Variants in STAT1 observed in about 807,000 individuals in gnomAD.
The protein encoded by STAT1 is signal transducer and activator of transcription 1-alpha/beta.
Under a neutral mutation model 111.7 loss-of-function variants are expected in STAT1, and 24 were observed. The ratio of observed to expected loss-of-function variants is 0.21; its 90% CI spans 0.16 to 0.30. The LOEUF is 0.30. STAT1 is among the 10% of genes least tolerant of loss of function. The probability of loss-of-function intolerance (pLI) is 1.00; values close to 1 mark genes in which losing one functional copy is unlikely to be tolerated. For missense variants in STAT1, 351 were observed against 911.9 expected, an observed-to-expected ratio of 0.38 and a Z score of 7.92; for synonymous variants, 332 against 326.5, an observed-to-expected ratio of 1.02 and a Z score of -0.18.
rs543595389 is a variant in STAT1 at position 190,986,466 on chromosome 2, G to A, written c.1221+388C>T. Among the ~76,000 whole-genome samples the A allele has an allele frequency of 1.3e-5, 2 of 152,304 alleles. No individual in the cohort carries two copies. Among genetic ancestry groups the A allele is most frequent in the African/African-American group, 4.8e-5 (2 of 41,554 alleles). On this transcript the variant is annotated intron_variant, in intron 14 of 24. Transcript: ENST00000361099. The surrounding 1 kb of genome is among the most constrained non-coding windows in gnomAD (Gnocchi z 5.0). ...GCAGGGCCACCAGGAAGGGGAACACGGGGGCTGAGGAGTGAACCCTGGTGT... is the reference window on the plus strand; with the variant it reads ...GCAGGGCCACCAGGAAGGGGAACACAGGGGCTGAGGAGTGAACCCTGGTGT...
intron 4 of STAT1, among the ~76,000 whole-genome samples, chr2:191,008,263 C>T (rs535435264): frequency 2.0e-5 from 3 of 152,266 alleles, no homozygotes; most frequent in Admixed American, 1.3e-4. Context: ...TTCCAATTAC[C>T]TAAGCTGAAA....
rs1281470845 is a variant in STAT1 at position 190,984,148 on chromosome 2, T to C, written c.1347+162A>G. On this transcript the variant is annotated intron_variant, in intron 16 of 24. Transcript: ENST00000361099. This position sits in a 1 kb window ranked among gnomAD's most constrained non-coding sequence, Gnocchi z 5.2. ...TGAAGGTTAATTCAATTGTCTAGCT[T>C]TCTGGACCATAAATTAAGGTTAAGA... Among the ~76,000 whole-genome samples, 1 of 152,230 alleles carries C rather than the reference T, an allele frequency of 6.6e-6. No homozygotes were observed. Among genetic ancestry groups the C allele is most frequent in the Non-Finnish European group, 1.5e-5 (1 of 68,040 alleles).
In STAT1 at chr2:191,007,761, A is replaced by G. The variant is rs1441226590; in HGVS notation, c.274-100T>C. Reference sequence around the variant, plus strand: ...TGAATTTGTTTATATTCTCCGGGAAACCTCATCTCTCATCTATTAAATTCT... The same window carrying G: ...TGAATTTGTTTATATTCTCCGGGAAGCCTCATCTCTCATCTATTAAATTCT... On this transcript the variant is annotated intron_variant, in intron 4 of 24. Transcript: ENST00000361099. The surrounding 1 kb of genome is among the most constrained non-coding windows in gnomAD (Gnocchi z 4.2). The G allele has an allele frequency of 1.2e-6, 1 of 858,776 alleles. No individual in the cohort carries two copies. Among genetic ancestry groups the G allele is most frequent in the African/African-American group, 1.7e-5 (1 of 59,742 alleles). The allele number at this position is 858,776 out of a possible 1,614,324, so 53.2% of individuals were successfully genotyped here.
chr2:190,988,989 G>T (rs1378441370), intron 12 of STAT1, among the ~76,000 whole-genome samples: 3 of 152,082 alleles, frequency 2.0e-5, no homozygotes, highest in Admixed American at 1.3e-4. Context: ...GGGCAAAATA[G>T]GATGAGGCTG....
chr2:190,974,838 C>G lies in STAT1; in HGVS notation c.2230G>C (p.Asp744His). The change falls in exon 24 of 25, where the codon GAC (aspartate) becomes CAC (histidine). Residue 744 changes from aspartate to histidine, a missense_variant. This residue lies in a region of STAT1 where 181 missense variants were observed against 426.1 expected (regional missense o/e 0.42). Transcript: ENST00000361099. The surrounding 1 kb of genome is among the most constrained non-coding windows in gnomAD (Gnocchi z 4.8). ...VSRIVGSVEF[D>H]SMMNTV ...CCAGCCGTGGTACTCACCATACTGT[C>G]GAATTCTACAGAGCCCACTATCCGA... 6.2e-7 allele frequency: 1 copy of G among 1,613,940 alleles called. No homozygotes were observed. The highest frequency in any genetic ancestry group is 1.7e-5 in the Admixed American group (1 of 60,026).
Position 190,982,243 on chromosome 2 carries a change from T to C in STAT1, c.1582+140A>G. 2.1e-6 allele frequency: 2 copies of C among 954,228 alleles called. No homozygotes were observed. The highest frequency in any genetic ancestry group is 3.3e-6 in the Non-Finnish European group (2 of 605,254). The allele number at this position is 954,228 out of a possible 1,614,324, so 59.1% of individuals were successfully genotyped here. On this transcript the variant is annotated intron_variant, in intron 18 of 24. Coordinates refer to ENST00000361099, the MANE Select transcript of STAT1 (RefSeq NM_007315.4). The surrounding 1 kb of genome is among the most constrained non-coding windows in gnomAD (Gnocchi z 7.3). ...GTGACATATGATTCTCACTTAGCTA[T>C]AATAAACTATAGCTTGAAAAGCTGA... is the stretch of plus-strand genomic sequence containing the variant.
At position 191,013,654 on chromosome 2, in the gene STAT1, G is replaced by T. The variant is rs1695310732; in HGVS notation, c.-131C>A. The T allele has an allele frequency of 2.5e-6, 1 of 398,660 alleles. No homozygotes were observed. The allele number at this position is 398,660 out of a possible 1,614,324, so 24.7% of individuals were successfully genotyped here. A position where few individuals can be genotyped will look rare whatever the true frequency, so the allele number is the denominator to read the frequency against. On this transcript the variant is annotated 5_prime_UTR_variant, in exon 2 of 25. Coordinates refer to ENST00000361099, the MANE Select transcript of STAT1 (RefSeq NM_007315.4). ...AACGTTAACCTAGACAGCTCTCGAG[G>T]ATGGCATACAGCAAATGAAACTTTC...
chr2:191,002,948 T>C (rs1694389359), intron 5 of STAT1, among the ~76,000 whole-genome samples: 1 of 152,234 alleles, frequency 6.6e-6, no homozygotes, highest in Non-Finnish European at 1.5e-5. Context: ...CATTAATAGG[T>C]TGCCCAGTCA....
At position 190,970,848 on chromosome 2, in the gene STAT1, T is replaced by G; in HGVS notation, c.2239-131A>C. 1 of 881,182 alleles carries G rather than the reference T, an allele frequency of 1.1e-6. No homozygotes were observed. The highest frequency in any genetic ancestry group is 1.8e-6 in the Non-Finnish European group (1 of 540,766). 54.6% of individuals were successfully genotyped at this position (881,182 alleles called of 1,614,324 possible). On this transcript the variant is annotated intron_variant, in intron 24 of 24. Coordinates refer to ENST00000361099, the MANE Select transcript of STAT1 (RefSeq NM_007315.4). This position sits in a 1 kb window ranked among gnomAD's most constrained non-coding sequence, Gnocchi z 5.4. The stretch of plus-strand genomic sequence containing the variant: ...TACTTGCAATGGCAAATAAATACCG[T>G]GGAATAAGAGGGCCTTCAGCATGTA...
rs1559017065 is a variant in STAT1 at position 190,994,930 on chromosome 2, ATATAT to A, written c.944+126_944+130del. The A allele has an allele frequency of 4.7e-3, 515 of 110,726 alleles. 9 individuals are homozygous for A. Among genetic ancestry groups the A allele is most frequent in the African/African-American group, 0.015 (341 of 22,452 alleles). The allele number at this position is 110,726 out of a possible 1,614,324, so 6.9% of individuals were successfully genotyped here. On this transcript the variant is annotated intron_variant, in intron 10 of 24. Transcript: ENST00000361099. ...ACTCTATCTCAAAAAAAAAAAAAATATATATATATATATATATATATATATATAAA... is the reference window on the plus strand; with the variant it reads ...ACTCTATCTCAAAAAAAAAAAAAATAATATATATATATATATATATATAAA...
At position 190,975,566 on chromosome 2, in the gene STAT1, T is replaced by C; in HGVS notation, c.2135+246A>G. ...ACTTTTGCTCATTTTATTTATACTT[T>C]TTCAAAGGGTATCAGTTTTGGGAAA... On this transcript the variant is annotated intron_variant, in intron 23 of 24. Transcript: ENST00000361099. This position sits in a 1 kb window ranked among gnomAD's most constrained non-coding sequence, Gnocchi z 5.9. 7.2e-7 allele frequency: 1 copy of C among 1,386,262 alleles called. No homozygotes were observed. The highest frequency in any genetic ancestry group is 9.5e-7 in the Non-Finnish European group (1 of 1,057,910). The allele number at this position is 1,386,262 out of a possible 1,614,324, so 85.9% of individuals were successfully genotyped here.
Position 190,979,658 on chromosome 2 carries a change from C to T in STAT1, c.1727+114G>A. 1 of 837,680 alleles carries T rather than the reference C, an allele frequency of 1.2e-6. No individual in the cohort carries two copies. Among genetic ancestry groups the T allele is most frequent in the Non-Finnish European group, 2.0e-6 (1 of 488,942 alleles). The allele number at this position is 837,680 out of a possible 1,614,324, so 51.9% of individuals were successfully genotyped here. A position where few individuals can be genotyped will look rare whatever the true frequency, so the allele number is the denominator to read the frequency against. On this transcript the variant is annotated intron_variant, in intron 20 of 24. Coordinates refer to ENST00000361099, the MANE Select transcript of STAT1 (RefSeq NM_007315.4). This position sits in a 1 kb window ranked among gnomAD's most constrained non-coding sequence, Gnocchi z 5.8. ...CCTGAAGGGGCAGCCTATAAATGCG[C>T]ACTCCTGTGAGATTCACACACGCCT... is the stretch of plus-strand genomic sequence containing the variant.
rs1691311467 is a variant in STAT1 at position 190,969,728 on chromosome 2, T to C, written c.*975A>G. The C allele has an allele frequency of 6.6e-6, 1 of 152,234 alleles. No homozygotes were observed. The highest frequency in any genetic ancestry group is 1.5e-5 in the Non-Finnish European group (1 of 68,024). The allele number at this position is 152,234 out of a possible 1,614,324, so 9.4% of individuals were successfully genotyped here. A position where few individuals can be genotyped will look rare whatever the true frequency, so the allele number is the denominator to read the frequency against. ...TATCTCTGGTGTATTATTCAAGTTG[T>C]CAGTTACTGCTTTTTCTACTCCTTT... On this transcript the variant is annotated 3_prime_UTR_variant, in exon 25 of 25. Coordinates refer to ENST00000361099, the MANE Select transcript of STAT1 (RefSeq NM_007315.4).
chr2:190,983,796 A>AT lies in STAT1; in HGVS notation c.1348-57dup. 1 of 1,433,392 alleles carries AT rather than the reference A, an allele frequency of 7.0e-7. No homozygotes were observed. Among genetic ancestry groups the AT allele is most frequent in the Non-Finnish European group, 9.8e-7 (1 of 1,015,756 alleles). The allele number at this position is 1,433,392 out of a possible 1,614,324, so 88.8% of individuals were successfully genotyped here. On this transcript the variant is annotated intron_variant, in intron 16 of 24. Transcript: ENST00000361099. The surrounding 1 kb of genome is among the most constrained non-coding windows in gnomAD (Gnocchi z 5.7). ...TGAATCACAGAAATGTCACCTTCAG[A>AT]TAACTGCTTAGCCTCAACTAAAAGC...
Position 190,970,163 on chromosome 2 carries a change from T to C in STAT1, c.*540A>G. 6.2e-6 allele frequency: 1 copy of C among 162,510 alleles called. No homozygotes were observed. The highest frequency in any genetic ancestry group is 1.7e-4 in the South Asian group (1 of 5,870). The allele number at this position is 162,510 out of a possible 1,614,324, so 10.1% of individuals were successfully genotyped here. A position where few individuals can be genotyped will look rare whatever the true frequency, so the allele number is the denominator to read the frequency against. ...CTACCAGATCCATGATGGCTACCTT[T>C]GAAAGAGGACTGATATAATTGTATA... On this transcript the variant is annotated 3_prime_UTR_variant, in exon 25 of 25. Transcript: ENST00000361099. This position sits in a 1 kb window ranked among gnomAD's most constrained non-coding sequence, Gnocchi z 5.4.
At chr2:191,008,393 T>A (rs1340332284) in intron 4 of STAT1, among the ~76,000 whole-genome samples, 1 of 152,188 alleles carries the variant, frequency 6.6e-6, no homozygotes, top group African/African-American at 2.4e-5. Context: ...TGGGAGTACA[T>A]CTGAAGAACC....
chr2:190,971,641 G>A lies in STAT1; in HGVS notation c.2239-924C>T, dbSNP rs1424897871. 6.6e-6 allele frequency among the ~76,000 whole-genome samples: 1 copy of A among 152,006 alleles called. No homozygotes were observed. Among genetic ancestry groups the A allele is most frequent in the African/African-American group, 2.4e-5 (1 of 41,376 alleles). On this transcript the variant is annotated intron_variant, in intron 24 of 24. Transcript: ENST00000361099. This position sits in a 1 kb window ranked among gnomAD's most constrained non-coding sequence, Gnocchi z 4.1. ...GTGGGCTCTTAGGAAAATTATTTTG[G>A]ATTGAAAAGCACAGTGAAAGTGTTG...
chr2:190,980,542 C>G lies in STAT1; in HGVS notation c.1632+78G>C, dbSNP rs988540692. Reference sequence around the variant, plus strand: ...CCAAAATAAGCAAACAGTTAAGTAACTATCACAGCAAGAAACATGAGAACC... The same window carrying G: ...CCAAAATAAGCAAACAGTTAAGTAAGTATCACAGCAAGAAACATGAGAACC... On this transcript the variant is annotated intron_variant, in intron 19 of 24. Coordinates refer to ENST00000361099, the MANE Select transcript of STAT1 (RefSeq NM_007315.4). The surrounding 1 kb of genome is among the most constrained non-coding windows in gnomAD (Gnocchi z 6.1). 1 of 1,493,956 alleles carries G rather than the reference C, an allele frequency of 6.7e-7. No individual in the cohort carries two copies. Among genetic ancestry groups the G allele is most frequent in the Non-Finnish European group, 9.3e-7 (1 of 1,070,510 alleles). The allele number at this position is 1,493,956 out of a possible 1,614,324, so 92.5% of individuals were successfully genotyped here. A position where few individuals can be genotyped will look rare whatever the true frequency, so the allele number is the denominator to read the frequency against.
Position 190,996,643 on chromosome 2 carries a change from G to A in STAT1, c.785+1213C>T, listed in dbSNP as rs1480275886. ...GGGGTGCACTGGGCTCAGAAGCTCTGCTCTAACCCACAAGAAATCTGGGGT... is the reference window on the plus strand; with the variant it reads ...GGGGTGCACTGGGCTCAGAAGCTCTACTCTAACCCACAAGAAATCTGGGGT... On this transcript the variant is annotated intron_variant, in intron 9 of 24. Transcript: ENST00000361099. The surrounding 1 kb of genome is among the most constrained non-coding windows in gnomAD (Gnocchi z 4.5). 6.6e-6 allele frequency among the ~76,000 whole-genome samples: 1 copy of A among 152,186 alleles called. No individual in the cohort carries two copies. The highest frequency in any genetic ancestry group is 2.4e-5 in the African/African-American group (1 of 41,456).
Sources: allele counts gnomAD v4.1 joint callset (sites outside exome capture counted in the v4.1 genomes callset), GRCh38; gene constraint gnomAD v4.1.1; regional missense constraint gnomAD v4.1.1; non-coding constraint Gnocchi (gnomAD v3.1); transcripts MANE v1.5; gene names NCBI Gene and HGNC (gene_info 2026-07-23, HGNC 2026-07-21).